The following RABEP2 variants were observed in gnomAD, a reference collection of about 807,000 sequenced individuals.
RABEP2 encodes rabaptin, RAB GTPase binding effector protein 2.
In RABEP2, 57 loss-of-function variants were observed where a neutral mutation model predicts 74.1. The ratio of observed to expected loss-of-function variants is 0.77; its 90% CI spans 0.62 to 0.96. The LOEUF (loss-of-function observed/expected upper bound fraction) is 0.96. RABEP2 is among the 40% of genes least tolerant of loss of function. The pLI is 0.00. For missense variants in RABEP2, 692 were observed against 756.3 expected (o/e 0.91, Z 1.00); for synonymous variants, 351 against 344.0 (o/e 1.02, Z -0.23).
At chr16:28,917,348 T>C (rs987453950) in intron 3 of RABEP2, among the ~76,000 whole-genome samples, 5 of 152,246 alleles carry the variant, frequency 3.3e-5, no homozygotes, top group African/African-American at 1.2e-4. Context: ...CATCACTCCC[T>C]ACTTCTAGTT....
In RABEP2 at chr16:28,925,171, G is replaced by A. The variant is rs1334073815; in HGVS notation, c.-8C>T. 17 of 1,527,928 alleles carry A rather than the reference G, an allele frequency of 1.1e-5. No individual in the cohort carries two copies. The highest frequency in any genetic ancestry group is 1.1e-5 in the Non-Finnish European group (13 of 1,143,638). 94.6% of individuals were successfully genotyped at this position (1,527,928 alleles called of 1,614,324 possible). A position where few individuals can be genotyped will look rare whatever the true frequency, so the allele number is the denominator to read the frequency against. ...CGGCGCAGCTGCCGCCATTGCCTCA[G>A]CGCAAACGGCGGATTCCCGCACTCC... On this transcript the variant is annotated 5_prime_UTR_variant, in exon 1 of 13. Coordinates refer to ENST00000358201, the MANE Select transcript of RABEP2 (RefSeq NM_024816.3).
chr16:28,919,758 G>A (rs764627229), intron 3 of RABEP2, 28 bp downstream of exon 3: 2 of 1,585,902 alleles, frequency 1.3e-6, no homozygotes, highest in African/African-American at 1.3e-5. Flanking sequence ...AAATCCCAGG[G>A]CAGCAGGGAA....
intron 4 of RABEP2, 38 bp downstream of exon 4, chr16:28,914,634 A>G (rs905512475): frequency 2.5e-6 from 4 of 1,606,338 alleles, no homozygotes; most frequent in Non-Finnish European, 3.4e-6. Flanking sequence ...GTCCTCTGGC[A>G]CCCCTCCTTC....
intron 2 of RABEP2, among the ~76,000 whole-genome samples, chr16:28,920,757 A>G (rs934302168): frequency 6.6e-6 from 1 of 152,070 alleles, no homozygotes; most frequent in Non-Finnish European, 1.5e-5. Context: ...TTTGTTACAT[A>G]TGTATACATG....
chr16:28,918,922 G>A (rs1964431281), intron 3 of RABEP2, among the ~76,000 whole-genome samples: 1 of 152,208 alleles, frequency 6.6e-6, no homozygotes, highest in Non-Finnish European at 1.5e-5. Context: ...CTGGCCTCAA[G>A]CGATCCTCCT....
chr16:28,911,523 C>T (rs950486581), intron 5 of RABEP2, among the ~76,000 whole-genome samples: 1 of 151,778 alleles, frequency 6.6e-6, no homozygotes, highest in Admixed American at 6.6e-5. Flanking sequence ...ATTAGCCGGG[C>T]GTGGTGGCGG....
chr16:28,905,740 C>T lies in RABEP2; in HGVS notation c.1455G>A (p.Arg485=). 1 of 1,614,052 alleles carries T rather than the reference C, an allele frequency of 6.2e-7. No individual in the cohort carries two copies. Among genetic ancestry groups the T allele is most frequent in the Non-Finnish European group, 8.5e-7 (1 of 1,179,956 alleles). ...EVLEASLCSL[R]TEMERVQQEQ... is the part of the protein sequence containing the mutation. ...CCTGCTGCACCCGCTCCATCTCTGT[C>T]CTCAGGCTGCACAGGGAGGCTGGGA... The change falls in exon 11 of 13, where the codon AGG becomes AGA. Residue 485 remains arginine (R), a synonymous_variant. Coordinates refer to ENST00000358201, the MANE Select transcript of RABEP2 (RefSeq NM_024816.3).
chr16:28,914,188 A>T, intron 5 of RABEP2, 48 bp downstream of exon 5: 1 of 1,460,004 alleles, frequency 6.8e-7, no homozygotes, highest in South Asian at 1.3e-5. Flanking sequence ...GGAAGCATCC[A>T]GCAGAGAGGG....
chr16:28,920,028 T>C (rs1349484177), intron 2 of RABEP2, 85 bp from the exon 3 acceptor site: 18 of 1,377,596 alleles, frequency 1.3e-5, no homozygotes, highest in Non-Finnish European at 1.7e-5. Flanking sequence ...CTTGATGCAC[T>C]GACTCTTTCT....
chr16:28,914,841 T>C, intron 3 of RABEP2, 59 bp from the exon 4 acceptor site: 2 of 1,475,212 alleles, frequency 1.4e-6, no homozygotes, highest in Non-Finnish European at 1.9e-6. Context: ...AAGCCCCGGG[T>C]CTGTTCAGAG....
At chr16:28,921,079 G>T in intron 2 of RABEP2, 1 of 439,508 alleles carries the variant, frequency 2.3e-6, no homozygotes, top group Non-Finnish European at 4.6e-6. Context: ...GCCCAGGCTG[G>T]TCTTGAACTC....
Position 28,925,182 on chromosome 16 carries a change from G to T in RABEP2, c.-19C>A, listed in dbSNP as rs781370906. 4.6e-6 allele frequency: 7 copies of T among 1,526,250 alleles called. No individual in the cohort carries two copies. Among genetic ancestry groups the T allele is most frequent in the Non-Finnish European group, 4.4e-6 (5 of 1,142,902 alleles). 94.5% of individuals were successfully genotyped at this position (1,526,250 alleles called of 1,614,324 possible). ...CCGCCATTGCCTCAGCGCAAACGGC[G>T]GATTCCCGCACTCCCTGGTGACGGA... On this transcript the variant is annotated 5_prime_UTR_variant, in exon 1 of 13. Transcript: ENST00000358201.
chr16:28,911,753 C>T (rs533555733), intron 5 of RABEP2, among the ~76,000 whole-genome samples: 102 of 151,380 alleles, frequency 6.7e-4, no homozygotes, highest in Admixed American at 5.3e-3. Flanking sequence ...TCAAGACCAG[C>T]CTGACCAATA....
intron 5 of RABEP2, 86 bp from the exon 6 acceptor site, chr16:28,911,265 G>A (rs1964310167): frequency 1.6e-6 from 2 of 1,264,676 alleles, no homozygotes; most frequent in Non-Finnish European, 2.2e-6. Flanking sequence ...CTGCAGGGAG[G>A]TGCCCTCATC....
chr16:28,923,379 G>C (rs1443925261), intron 2 of RABEP2, among the ~76,000 whole-genome samples: 1 of 151,712 alleles, frequency 6.6e-6, no homozygotes, highest in East Asian at 1.9e-4. Context: ...CCAGCGTGCT[G>C]TGACGCACTC....
intron 8 of RABEP2, 60 bp from the exon 9 acceptor site, chr16:28,906,256 C>T: frequency 1.3e-6 from 2 of 1,482,936 alleles, no homozygotes; most frequent in Non-Finnish European, 1.8e-6. Context: ...GGGCAGGGGC[C>T]ACCAGCCAGA....
intron 3 of RABEP2, among the ~76,000 whole-genome samples, chr16:28,917,044 A>G (rs1037920994): frequency 1.3e-5 from 2 of 152,044 alleles, no homozygotes; most frequent in Admixed American, 6.6e-5. Context: ...TGGGTTTTCA[A>G]TCACATGCAG....
In RABEP2 at chr16:28,907,900, A is replaced by G. The variant is rs1005175367; in HGVS notation, c.1245+709T>C. On this transcript the variant is annotated intron_variant, in intron 8 of 12. Transcript: ENST00000358201. The stretch of plus-strand genomic sequence containing the variant: ...CTGCAACCTCCGCCTCCTGGGTTCA[A>G]TCGATTCTCCAGCCTCAGCCTACCG... Among the ~76,000 whole-genome samples, 4 of 152,266 alleles carry G rather than the reference A, an allele frequency of 2.6e-5. No individual in the cohort carries two copies. The East Asian group carries it at 7.7e-4, about 29-fold the overall frequency.
intron 7 of RABEP2, chr16:28,910,671 A>G: frequency 1.9e-6 from 1 of 526,572 alleles, no homozygotes; most frequent in Non-Finnish European, 3.4e-6. Context: ...GATTAGCTCA[A>G]GATCAAACAG....
Sources: allele counts gnomAD v4.1 joint callset (sites outside exome capture counted in the v4.1 genomes callset), GRCh38; gene constraint gnomAD v4.1.1; transcripts MANE v1.5; gene names NCBI Gene and HGNC (gene_info 2026-07-23, HGNC 2026-07-21).